Variants in KLHL26 observed in about 807,000 individuals in gnomAD.
KLHL26 encodes kelch-like protein 26.
A neutral mutation model predicts 7.1 loss-of-function variants in KLHL26; 4 were observed. The ratio of observed to expected loss-of-function variants is 0.56; its 90% confidence interval spans 0.28 to 1.28. The LOEUF (loss-of-function observed/expected upper bound fraction) is 1.28, where lower values mean the gene tolerates loss of function less well. Among genes scored for constraint, KLHL26 ranks in the 50% most tolerant of loss-of-function variants. KLHL26 has a pLI of 0.11. For synonymous variants in KLHL26, 465 were observed against 414.1 expected, an observed-to-expected ratio of 1.12 and a Z score of -1.49; for missense variants, 896 against 924.6, an observed-to-expected ratio of 0.97 and a Z score of 0.40.
chr19:18,667,814 G>C lies in KLHL26; in HGVS notation c.417G>C (p.Ala139=), dbSNP rs369562066. The C allele has an allele frequency of 3.1e-6, 5 of 1,613,188 alleles. No homozygotes were observed. In the African/African-American group the frequency reaches 6.7e-5, roughly 22 times the overall value. ...DLDCVQDVLG[A]AVFLQMLPVV... ...ACTGCGTGCAGGACGTGCTGGGCGC[G>C]GCCGTGTTCTTGCAGATGCTGCCCG... Residue 139 remains alanine (A), a synonymous_variant, in exon 3 of 3, where the codon GCG becomes GCC. Coordinates refer to ENST00000300976, the MANE Select transcript of KLHL26 (RefSeq NM_018316.3).
At chr19:18,637,472 G>GGGCCT (rs1178984452) in intron 1 of KLHL26, among the ~76,000 whole-genome samples, 5 of 152,096 alleles carry the variant, frequency 3.3e-5, no homozygotes, top group African/African-American at 4.8e-5. Context: ...GCAGCAGAGA[G>GGGCCT]GGCCTGAGCA....
Position 18,669,506 on chromosome 19 carries a change from C to T in KLHL26, c.*261C>T, listed in dbSNP as rs2052503614. 1.8e-6 allele frequency: 1 copy of T among 568,068 alleles called. No homozygotes were observed. Among genetic ancestry groups the T allele is most frequent in the African/African-American group, 1.9e-5 (1 of 53,016 alleles). 35.2% of individuals were successfully genotyped at this position (568,068 alleles called of 1,614,324 possible). On this transcript the variant is annotated 3_prime_UTR_variant, in exon 3 of 3. Coordinates refer to ENST00000300976, the MANE Select transcript of KLHL26 (RefSeq NM_018316.3). ...AGCAAATTCGTCCCCGGGGTGGTTT[C>T]CTCGCCTGGCCCCCGAGTCCCCACG... is the stretch of plus-strand genomic sequence containing the variant.
intron 1 of KLHL26, among the ~76,000 whole-genome samples, chr19:18,652,005 T>G (rs865799309): frequency 6.6e-6 from 1 of 152,132 alleles, no homozygotes; most frequent in Non-Finnish European, 1.5e-5. Flanking sequence ...GGGACCCAGC[T>G]GGGCCATGAG....
chr19:18,643,412 T>C (rs1484997171), intron 1 of KLHL26, among the ~76,000 whole-genome samples: 1 of 150,676 alleles, frequency 6.6e-6, no homozygotes, highest in East Asian at 2.0e-4. Context: ...TCCACTGCGC[T>C]CCCACCTGGG....
At chr19:18,639,403 G>GTTTTTTTTT (rs34034254) in intron 1 of KLHL26, among the ~76,000 whole-genome samples, 11 of 71,228 alleles carry the variant, frequency 1.5e-4, no homozygotes, top group Admixed American at 3.3e-4. Context: ...TTATCATTAA[G>GTTTTTTTTT]TTTTTTTTTT....
intron 2 of KLHL26, among the ~76,000 whole-genome samples, chr19:18,666,177 C>T (rs184821668): frequency 4.6e-5 from 7 of 152,318 alleles, no homozygotes; most frequent in African/African-American, 1.2e-4. Context: ...GAGCTGGCAG[C>T]GTACTTACTG....
chr19:18,639,403 GTTTTTTTT>G (rs34034254), intron 1 of KLHL26, among the ~76,000 whole-genome samples: 5 of 71,190 alleles, frequency 7.0e-5, no homozygotes, highest in African/African-American at 1.7e-4. Context: ...TTATCATTAA[GTTTTTTTT>G]TTTTTTTTTT....
chr19:18,646,294 G>A lies in KLHL26; in HGVS notation c.83+9157G>A, dbSNP rs1976800207. Among the ~76,000 whole-genome samples the A allele has an allele frequency of 1.3e-5, 2 of 152,106 alleles. No homozygotes were observed. Among genetic ancestry groups the A allele is most frequent in the Admixed American group, 6.5e-5 (1 of 15,274 alleles). On this transcript the variant is annotated intron_variant, in intron 1 of 2. Transcript: ENST00000300976. The surrounding 1 kb of genome is among the most constrained non-coding windows in gnomAD (Gnocchi z 5.0). ...CCACTACCATGCCTGGCTAGTTTTT[G>A]TATTTTTAGGAGAGATGGGGTTTCA...
At chr19:18,637,878 G>T (rs998611034) in intron 1 of KLHL26, among the ~76,000 whole-genome samples, 6 of 152,194 alleles carry the variant, frequency 3.9e-5, no homozygotes, top group African/African-American at 1.4e-4. Flanking sequence ...CAAGGGGACA[G>T]AATTCACCCC....
At chr19:18,659,488 C>T (rs915658379) in intron 1 of KLHL26, among the ~76,000 whole-genome samples, 4 of 152,232 alleles carry the variant, frequency 2.6e-5, no homozygotes, top group African/African-American at 9.6e-5. Flanking sequence ...GAAGTGCTCT[C>T]CTCTTTGAGG....
intron 2 of KLHL26, among the ~76,000 whole-genome samples, chr19:18,666,719 G>A (rs1239427452): frequency 2.0e-5 from 3 of 152,192 alleles, no homozygotes; most frequent in African/African-American, 7.2e-5. Context: ...CCCCAGCACA[G>A]CCTCCTGGTG....
chr19:18,655,279 C>T (rs529699994), intron 1 of KLHL26, among the ~76,000 whole-genome samples: 2 of 152,342 alleles, frequency 1.3e-5, no homozygotes, highest in Admixed American at 6.5e-5. Context: ...TGTTCAGCTC[C>T]ATGTCCATCC....
In KLHL26 at chr19:18,668,954, C is replaced by T. The variant is rs756888166; in HGVS notation, c.1557C>T (p.His519=). The T allele has an allele frequency of 2.5e-6, 4 of 1,611,046 alleles. No homozygotes were observed. The highest frequency in any genetic ancestry group is 1.1e-5 in the South Asian group (1 of 91,088). The change falls in exon 3 of 3, where the codon CAC becomes CAT. Residue 519 remains histidine, a synonymous_variant. Transcript: ENST00000300976. ...RIYALGGRMD[H]VDRCFDVLAV... ...ATGCCCTCGGGGGCCGCATGGACCA[C>T]GTGGACCGCTGCTTCGACGTGCTGG...
At chr19:18,640,568 TTTTTTTTTG>T (rs1976696278) in intron 1 of KLHL26, among the ~76,000 whole-genome samples, 1 of 144,658 alleles carries the variant, frequency 6.9e-6, no homozygotes, top group South Asian at 2.3e-4. Flanking sequence ...TTTTTTTTTT[TTTTTTTTTG>T]AGATGGAGTC....
chr19:18,665,065 T>G (rs900152039), intron 2 of KLHL26, among the ~76,000 whole-genome samples: 11 of 151,362 alleles, frequency 7.3e-5, no homozygotes, highest in African/African-American at 1.9e-4. Context: ...GTTTTGTTTT[T>G]TTTTTTTTTG....
At chr19:18,653,956 C>T (rs944661280) in intron 1 of KLHL26, among the ~76,000 whole-genome samples, 1 of 114,474 alleles carries the variant, frequency 8.7e-6, no homozygotes, top group African/African-American at 3.5e-5. Flanking sequence ...TCCACCCACC[C>T]ACCCATCCAT....
At chr19:18,664,181 C>T in intron 1 of KLHL26, 80 bp from the exon 2 acceptor site, 1 of 1,341,484 alleles carries the variant, frequency 7.5e-7, no homozygotes, top group Non-Finnish European at 1.0e-6. Flanking sequence ...TGTCTGGCTT[C>T]TTGCACTGAG....
At chr19:18,640,225 G>A (rs1046291167) in intron 1 of KLHL26, among the ~76,000 whole-genome samples, 2 of 151,926 alleles carry the variant, frequency 1.3e-5, no homozygotes, top group African/African-American at 2.4e-5. Context: ...AGTTCATATG[G>A]TAGATGTGTT....
At chr19:18,663,659 A>AC (rs1239026430) in intron 1 of KLHL26, among the ~76,000 whole-genome samples, 1 of 151,348 alleles carries the variant, frequency 6.6e-6, no homozygotes, top group Non-Finnish European at 1.5e-5. Context: ...ACCAGGGTCC[A>AC]CCCCCTGTTG....
Sources: gnomAD v4.1 joint callset for allele counts (sites outside exome capture counted in the v4.1 genomes callset) on GRCh38, gnomAD v4.1.1 for gene constraint, Gnocchi (gnomAD v3.1) non-coding constraint, MANE v1.5 for transcripts, NCBI Gene and HGNC (gene_info 2026-07-23, HGNC 2026-07-21) for gene names.